The following RBFOX1 variants were observed in gnomAD, a reference collection of about 807,000 sequenced individuals.
RBFOX1 encodes the protein RNA binding fox-1 homolog 1.
A neutral mutation model predicts 57.7 loss-of-function variants in RBFOX1; 8 were observed. That is an observed-to-expected ratio of 0.14 (90% CI 0.08 to 0.25). The LOEUF (loss-of-function observed/expected upper bound fraction) is 0.25, where lower values mean the gene tolerates loss of function less well. Among genes scored for constraint, RBFOX1 ranks in the 10% least tolerant of loss-of-function variants. RBFOX1 has a pLI of 1.00. For synonymous variants in RBFOX1, 326 were observed against 222.4 expected (o/e 1.47, Z -4.15); for missense variants, 611 against 548.5 (o/e 1.11, Z -1.14).
In RBFOX1 at chr16:6,064,503, TC is replaced by T. The variant is rs574373198; in HGVS notation, c.-127+44512del. Among the ~76,000 whole-genome samples, 5 of 152,352 alleles carry T rather than the reference TC, an allele frequency of 3.3e-5. No individual in the cohort carries two copies. In the East Asian group the frequency reaches 9.6e-4, roughly 29 times the overall value. The stretch of plus-strand genomic sequence containing the variant: ...AGTAAGCAAATCCATTCCCACATTT[TC>T]TTTTCACATAGGCAGAATACATACA... On this transcript the variant is annotated intron_variant, in intron 1 of 15. Coordinates refer to ENST00000550418, the MANE Select transcript of RBFOX1 (RefSeq NM_018723.4).
At chr16:5,829,927 G>T (rs988959511) in intron 3 of RBFOX1, among the ~76,000 whole-genome samples, 1 of 152,146 alleles carries the variant, frequency 6.6e-6, no homozygotes, top group South Asian at 2.1e-4. Context: ...TGGCATAGAC[G>T]GTTGGGCTTC....
chr16:7,563,853 C>G (rs953898306), intron 5 of RBFOX1, among the ~76,000 whole-genome samples: 3 of 152,040 alleles, frequency 2.0e-5, no homozygotes, highest in Non-Finnish European at 4.4e-5. Flanking sequence ...TTTTTGTAGT[C>G]TTGTCATTCC....
At position 6,896,376 on chromosome 16, in the gene RBFOX1, C is replaced by G. The variant is rs540303627; in HGVS notation, c.-15-155681C>G. On this transcript the variant is annotated intron_variant, in intron 3 of 15. Coordinates refer to ENST00000550418, the MANE Select transcript of RBFOX1 (RefSeq NM_018723.4). ...TATAGTAATCAAATAATATGTATGT[C>G]TTTTTCTTTCTTTTTTTCTTTAAAC... Among the ~76,000 whole-genome samples, 8 of 152,208 alleles carry G rather than the reference C, an allele frequency of 5.3e-5. No individual in the cohort carries two copies. In the South Asian group the frequency reaches 1.7e-3, roughly 32 times the overall value.
Position 6,528,167 on chromosome 16 carries a change from C to T in RBFOX1, c.-63-126436C>T, listed in dbSNP as rs573161621. On this transcript the variant is annotated intron_variant, in intron 2 of 15. Coordinates refer to ENST00000550418, the MANE Select transcript of RBFOX1 (RefSeq NM_018723.4). ...ACCTTGATTCTGTTATCTTTGTCTT[C>T]GGCACTTTTATCCTCCCCCCATAAA... is the stretch of plus-strand genomic sequence containing the variant. 7.9e-5 allele frequency among the ~76,000 whole-genome samples: 12 copies of T among 152,184 alleles called. No individual in the cohort carries two copies. The East Asian group carries it at 2.1e-3, about 27-fold the overall frequency.
chr16:5,257,824 G>C (rs111677980), intron 1 of RBFOX1, among the ~76,000 whole-genome samples: 4 of 152,034 alleles, frequency 2.6e-5, no homozygotes, highest in African/African-American at 9.7e-5. Flanking sequence ...GAGACGGTCA[G>C]ATCTCAAAAA....
At chr16:6,252,977 C>T (rs1471610334) in intron 1 of RBFOX1, among the ~76,000 whole-genome samples, 2 of 152,124 alleles carry the variant, frequency 1.3e-5, no homozygotes, top group Non-Finnish European at 2.9e-5. Flanking sequence ...ATAATGCTTT[C>T]TTCGTAATAT....
intron 4 of RBFOX1, among the ~76,000 whole-genome samples, chr16:7,126,936 G>C (rs1448280660): frequency 5.3e-5 from 8 of 151,596 alleles, no homozygotes; most frequent in Non-Finnish European, 5.9e-5. Context: ...TTAAACCCGG[G>C]AGGCAGAGGT....
At chr16:7,654,127 T>C (rs188608672) in intron 12 of RBFOX1, among the ~76,000 whole-genome samples, 180 bp downstream of exon 12, 6 of 151,090 alleles carry the variant, frequency 4.0e-5, no homozygotes, top group African/African-American at 1.5e-4. Flanking sequence ...TATTGAAAAA[T>C]GAGTGTAATT....
intron 4 of RBFOX1, among the ~76,000 whole-genome samples, chr16:5,926,274 G>T (rs957871978): frequency 6.6e-6 from 1 of 152,194 alleles, no homozygotes; most frequent in Non-Finnish European, 1.5e-5. Flanking sequence ...CCTGCATTCA[G>T]GAACGCTGTA....
At chr16:7,512,983 G>C (rs1431174412) in intron 4 of RBFOX1, among the ~76,000 whole-genome samples, 1 of 152,180 alleles carries the variant, frequency 6.6e-6, no homozygotes, top group Admixed American at 6.5e-5. Flanking sequence ...ATGGGAAGTG[G>C]ACAGGCGCGG....
chr16:7,344,104 T>A (rs1227494502), intron 4 of RBFOX1, among the ~76,000 whole-genome samples: 8 of 137,520 alleles, frequency 5.8e-5, no homozygotes, highest in African/African-American at 1.5e-4. Context: ...AGCTTTACTT[T>A]TTTTTTTTTT....
chr16:6,327,684 A>G (rs902531589), intron 2 of RBFOX1, among the ~76,000 whole-genome samples: 2 of 152,200 alleles, frequency 1.3e-5, no homozygotes, highest in African/African-American at 4.8e-5. Flanking sequence ...TCATTGCTCT[A>G]TGACATGATA....
In RBFOX1 at chr16:6,019,326, G is replaced by A. The variant is rs1192921899; in HGVS notation, c.-793G>A. 5 of 984,922 alleles carry A rather than the reference G, an allele frequency of 5.1e-6. No individual in the cohort carries two copies. Among genetic ancestry groups the A allele is most frequent in the African/African-American group, 3.5e-5 (2 of 56,990 alleles). 61.0% of individuals were successfully genotyped at this position (984,922 alleles called of 1,614,324 possible). ...CTCCTTTCCAGTCCCCGTGCGAGCCGCGCTGCCGCCGCCTCCTCCAGCCAG... is the reference window on the plus strand; with the variant it reads ...CTCCTTTCCAGTCCCCGTGCGAGCCACGCTGCCGCCGCCTCCTCCAGCCAG... On this transcript the variant is annotated 5_prime_UTR_variant, in exon 1 of 16. Transcript: ENST00000550418. This position sits in a 1 kb window ranked among gnomAD's most constrained non-coding sequence, Gnocchi z 4.2.
chr16:6,009,826 G>A (rs927538881), intron 4 of RBFOX1, among the ~76,000 whole-genome samples: 1 of 150,760 alleles, frequency 6.6e-6, no homozygotes, highest in Non-Finnish European at 1.5e-5. Context: ...CTGTGTGTGT[G>A]TGTGTGTGTA....
intron 10 of RBFOX1, among the ~76,000 whole-genome samples, chr16:7,624,632 G>C (rs1026328469): frequency 6.6e-6 from 1 of 152,182 alleles, no homozygotes; most frequent in East Asian, 1.9e-4. Flanking sequence ...GCCTAGCTGA[G>C]CACTAGAGGC....
intron 2 of RBFOX1, among the ~76,000 whole-genome samples, chr16:6,436,238 G>A (rs2094229367): frequency 6.6e-6 from 1 of 152,150 alleles, no homozygotes; most frequent in Non-Finnish European, 1.5e-5. Flanking sequence ...AGAGCTACCC[G>A]AATTAAAAAT....
rs538560872 is a variant in RBFOX1 at position 6,646,088 on chromosome 16, C to T, written c.-63-8515C>T. Reference sequence around the variant, plus strand: ...GGTGATGAGTCCACAGCTCAAAATTCATACTTAACACTTTTAAGTAGTTGA... The same window carrying T: ...GGTGATGAGTCCACAGCTCAAAATTTATACTTAACACTTTTAAGTAGTTGA... On this transcript the variant is annotated intron_variant, in intron 2 of 15. Coordinates refer to ENST00000550418, the MANE Select transcript of RBFOX1 (RefSeq NM_018723.4). Among the ~76,000 whole-genome samples, 3 of 84,406 alleles carry T rather than the reference C, an allele frequency of 3.6e-5. No individual in the cohort carries two copies. In the Admixed American group the frequency reaches 4.2e-4, roughly 12 times the overall value. The allele number at this position is 84,406 out of a possible 152,430, so 55.4% of individuals were successfully genotyped here.
At chr16:6,839,285 C>G (rs2093325876) in intron 3 of RBFOX1, among the ~76,000 whole-genome samples, 1 of 152,076 alleles carries the variant, frequency 6.6e-6, no homozygotes, top group African/African-American at 2.4e-5. Context: ...GTGCCCGGCA[C>G]ATCATTTTCA....
intron 2 of RBFOX1, among the ~76,000 whole-genome samples, chr16:5,510,248 G>A (rs895781111): frequency 5.9e-5 from 9 of 152,214 alleles, no homozygotes; most frequent in African/African-American, 1.2e-4. Flanking sequence ...TTCAGCAGCC[G>A]TCACTTATTG....
Sources: allele counts gnomAD v4.1 joint callset (sites outside exome capture counted in the v4.1 genomes callset), GRCh38; gene constraint gnomAD v4.1.1; non-coding constraint Gnocchi (gnomAD v3.1); transcripts MANE v1.5; gene names NCBI Gene and HGNC (gene_info 2026-07-23, HGNC 2026-07-21).